Variants in ATP1B3 observed in about 807,000 individuals in gnomAD.
The protein encoded by ATP1B3 is ATPase Na+/K+ transporting subunit beta 3.
Under a neutral mutation model 30.2 loss-of-function variants are expected in ATP1B3, and 10 were observed. The observed-to-expected ratio is 0.33, with a 90% CI of 0.20 to 0.56. The LOEUF (loss-of-function observed/expected upper bound fraction) is 0.56. ATP1B3 is among the 20% of genes least tolerant of loss of function. The probability of loss-of-function intolerance (pLI) is 0.90; values close to 1 mark genes in which losing one functional copy is unlikely to be tolerated. For missense variants in ATP1B3, 238 were observed against 336.7 expected, an observed-to-expected ratio of 0.71 and a Z score of 2.29; for synonymous variants, 113 against 117.0, an observed-to-expected ratio of 0.97 and a Z score of 0.22.
chr3:141,881,037 T>C (rs1425621027), intron 1 of ATP1B3, among the ~76,000 whole-genome samples: 2 of 150,768 alleles, frequency 1.3e-5, no homozygotes, highest in East Asian at 3.9e-4. Flanking sequence ...AATCCGTCTT[T>C]ACTTAAAGTA....
chr3:141,917,771 A>AT (rs751369430), intron 5 of ATP1B3, among the ~76,000 whole-genome samples: 459 of 141,006 alleles, frequency 3.3e-3, no homozygotes, highest in Middle Eastern at 0.011. Context: ...ATTTTATTTT[A>AT]TTTTTTTTTT....
chr3:141,920,526 C>CAA (rs749751899), intron 5 of ATP1B3, among the ~76,000 whole-genome samples: 24 of 148,260 alleles, frequency 1.6e-4, no homozygotes, highest in East Asian at 8.0e-4. Context: ...GACTCTGTCT[C>CAA]AAAAAAAAGA....
Position 141,922,000 on chromosome 3 carries a change from A to G in ATP1B3, c.606A>G (p.Ala202=). The G allele has an allele frequency of 3.2e-6, 5 of 1,546,842 alleles. No homozygotes were observed. The highest frequency in any genetic ancestry group is 4.4e-6 in the Non-Finnish European group (5 of 1,137,330). The part of the protein sequence containing the change: ...VSKNEDIPNV[A]VYPHNGMIDL... ...AGAATGAAGATATACCAAATGTAGC[A>G]GTTTATCCTCATAATGGAATGATAG... Residue 202 remains alanine (A), a synonymous_variant, in exon 6 of 7, where the codon GCA becomes GCG. Coordinates refer to ENST00000286371, the MANE Select transcript of ATP1B3 (RefSeq NM_001679.4).
At chr3:141,913,593 C>A in intron 3 of ATP1B3, 59 bp from the exon 4 acceptor site, 1 of 1,376,056 alleles carries the variant, frequency 7.3e-7, no homozygotes, top group Non-Finnish European at 9.8e-7. Flanking sequence ...TAATATATTC[C>A]TGGTTGTTTT....
chr3:141,876,931 C>T, intron 1 of ATP1B3, 21 bp downstream of exon 1: 2 of 1,536,420 alleles, frequency 1.3e-6, no homozygotes, highest in Non-Finnish European at 1.8e-6. Flanking sequence ...AGCAGCTGGG[C>T]GTCCGGGGCC....
chr3:141,888,760 ATGAGATCTGG>A (rs1933882002), intron 1 of ATP1B3, among the ~76,000 whole-genome samples: 1 of 152,118 alleles, frequency 6.6e-6, no homozygotes, highest in Admixed American at 6.5e-5. Context: ...AGTAAGTCTC[ATGAGATCTGG>A]TGGGTTTTAT....
chr3:141,884,517 G>A (rs1933794002), intron 1 of ATP1B3, among the ~76,000 whole-genome samples: 1 of 152,144 alleles, frequency 6.6e-6, no homozygotes, highest in Non-Finnish European at 1.5e-5. Flanking sequence ...TATTGATCCT[G>A]GGTGTGTCTG....
At chr3:141,893,762 A>G (rs1442556709) in intron 1 of ATP1B3, among the ~76,000 whole-genome samples, 2 of 152,118 alleles carry the variant, frequency 1.3e-5, no homozygotes, top group Non-Finnish European at 2.9e-5. Context: ...TATCACCCCA[A>G]ACATTCCCTC....
intron 6 of ATP1B3, among the ~76,000 whole-genome samples, chr3:141,924,671 G>C (rs1184795952): frequency 5.9e-5 from 9 of 151,416 alleles, no homozygotes. Flanking sequence ...ATAATGATAA[G>C]GGTCGGGTGT....
intron 3 of ATP1B3, among the ~76,000 whole-genome samples, chr3:141,912,507 C>T (rs147589443): frequency 0.021 from 3,191 of 152,206 alleles, 40 homozygotes; most frequent in Non-Finnish European, 0.029. Flanking sequence ...GTGATCCACC[C>T]GCCTCGGCCT....
chr3:141,877,345 A>C (rs547969760), intron 1 of ATP1B3, among the ~76,000 whole-genome samples: 5 of 151,920 alleles, frequency 3.3e-5, no homozygotes, highest in African/African-American at 7.3e-5. Flanking sequence ...AGCGGTTCGG[A>C]GAAGCCAGAC....
chr3:141,910,462 A>G (rs1232050847), intron 3 of ATP1B3, among the ~76,000 whole-genome samples: 1 of 152,112 alleles, frequency 6.6e-6, no homozygotes, highest in East Asian at 1.9e-4. Flanking sequence ...CACATGTCTC[A>G]GACCTTCCCT....
intron 6 of ATP1B3, among the ~76,000 whole-genome samples, chr3:141,925,243 G>A (rs895356426): frequency 2.0e-5 from 3 of 152,130 alleles, no homozygotes; most frequent in African/African-American, 7.2e-5. Context: ...GAGGTGGAAG[G>A]GCCATTTGAA....
At chr3:141,903,566 G>GCATA (rs1270918274) in intron 1 of ATP1B3, 54 bp from the exon 2 acceptor site, 15 of 1,603,592 alleles carry the variant, frequency 9.4e-6, no homozygotes. Context: ...GGCCAAACAT[G>GCATA]CATACACACA....
intron 5 of ATP1B3, among the ~76,000 whole-genome samples, chr3:141,919,836 GGCTTA>G (rs1934535519): frequency 6.6e-6 from 1 of 152,092 alleles, no homozygotes; most frequent in Non-Finnish European, 1.5e-5. Flanking sequence ...CTACTCGGGA[GGCTTA>G]GGCAAGAGAA....
At chr3:141,899,115 A>G (rs1325213011) in intron 1 of ATP1B3, among the ~76,000 whole-genome samples, 2 of 152,136 alleles carry the variant, frequency 1.3e-5, no homozygotes, top group Non-Finnish European at 2.9e-5. Context: ...GAGTTTTGGG[A>G]GGAGGTGTTG....
At chr3:141,917,472 G>C (rs987763857) in intron 5 of ATP1B3, among the ~76,000 whole-genome samples, 2 of 151,912 alleles carry the variant, frequency 1.3e-5, no homozygotes, top group African/African-American at 4.8e-5. Flanking sequence ...GAGGCAGGCA[G>C]ATCACGAGGT....
intron 3 of ATP1B3, among the ~76,000 whole-genome samples, chr3:141,913,393 C>T (rs1934403519): frequency 6.6e-6 from 1 of 152,126 alleles, no homozygotes; most frequent in African/African-American, 2.4e-5. Context: ...TTAGCCATGG[C>T]TGGTACTGCC....
chr3:141,912,698 G>T (rs1934388464), intron 3 of ATP1B3, among the ~76,000 whole-genome samples: 1 of 152,126 alleles, frequency 6.6e-6, no homozygotes, highest in African/African-American at 2.4e-5. Flanking sequence ...TAAGTTAATT[G>T]AGGGCAGGGG....
Sources: allele counts gnomAD v4.1 joint callset (sites outside exome capture counted in the v4.1 genomes callset), GRCh38; gene constraint gnomAD v4.1.1; transcripts MANE v1.5; gene names NCBI Gene and HGNC (gene_info 2026-07-23, HGNC 2026-07-21).